PPWD1: variants seen among roughly 807,000 people sequenced by gnomAD.
PPWD1 encodes peptidylprolyl isomerase domain and WD repeat containing 1.
PPWD1 carries 43 observed loss-of-function variants against 68.8 expected under a neutral mutation model. The observed-to-expected ratio is 0.62, with a 90% CI of 0.49 to 0.81. PPWD1 has a LOEUF of 0.81. PPWD1 is among the 30% of genes least tolerant of loss of function. PPWD1 has a pLI of 0.00. For missense variants in PPWD1, 672 were observed against 804.8 expected (o/e 0.83, Z 2.00); for synonymous variants, 232 against 258.7 (o/e 0.90, Z 0.99).
chr5:65,565,185 C>T (rs1416957119), intron 1 of PPWD1, among the ~76,000 whole-genome samples: 1 of 152,192 alleles, frequency 6.6e-6, no homozygotes, highest in African/African-American at 2.4e-5. Flanking sequence ...GAATGTTTCT[C>T]TCCACTGCTA....
At chr5:65,565,528 G>A (rs1031135559) in intron 1 of PPWD1, among the ~76,000 whole-genome samples, 1 of 152,150 alleles carries the variant, frequency 6.6e-6, no homozygotes, top group African/African-American at 2.4e-5. Flanking sequence ...AGTTGGCCGG[G>A]TGTGGTGGCT....
intron 6 of PPWD1, 59 bp from the exon 7 acceptor site, chr5:65,579,362 AGTT>A (rs772623105): frequency 1.4e-6 from 2 of 1,395,924 alleles, no homozygotes. Flanking sequence ...TTATCTGTAA[AGTT>A]GTCATAATTG....
intron 7 of PPWD1, 162 bp from the exon 8 acceptor site, chr5:65,582,876 A>C: frequency 1.1e-6 from 1 of 898,032 alleles, no homozygotes; most frequent in South Asian, 2.9e-5. Flanking sequence ...AAAATAATTT[A>C]ATTGCCTGAC....
intron 10 of PPWD1, 117 bp downstream of exon 10, chr5:65,586,298 A>T: frequency 9.9e-7 from 1 of 1,006,900 alleles, no homozygotes; most frequent in Non-Finnish European, 1.4e-6. Flanking sequence ...ATCATCTAGC[A>T]GAATACAAAT....
chr5:65,584,218 A>C (rs991460815), intron 8 of PPWD1, among the ~76,000 whole-genome samples: 1 of 152,156 alleles, frequency 6.6e-6, no homozygotes, highest in African/African-American at 2.4e-5. Context: ...GGACAGTCTC[A>C]CTTTAAGTGC....
At chr5:65,571,267 A>G (rs777763172) in intron 4 of PPWD1, among the ~76,000 whole-genome samples, 21 of 152,182 alleles carry the variant, frequency 1.4e-4, no homozygotes, top group Non-Finnish European at 3.1e-4. Flanking sequence ...GTGTTTTAGT[A>G]CAATTGATTA....
At chr5:65,576,108 A>C (rs1176018947) in intron 5 of PPWD1, among the ~76,000 whole-genome samples, 2 of 88,690 alleles carry the variant, frequency 2.3e-5, no homozygotes, top group South Asian at 3.6e-4. Flanking sequence ...AAGTTATCTC[A>C]ATTTTTTATA....
intron 6 of PPWD1, among the ~76,000 whole-genome samples, chr5:65,577,551 A>G (rs1021224001): frequency 1.3e-5 from 2 of 152,234 alleles, no homozygotes; most frequent in African/African-American, 4.8e-5. Flanking sequence ...AATGAACAGA[A>G]CTTAATATTT....
At chr5:65,570,278 A>G (rs563342508) in intron 4 of PPWD1, 1 of 903,116 alleles carries the variant, frequency 1.1e-6, no homozygotes, top group Non-Finnish European at 1.3e-6. Flanking sequence ...GAGCTCTGTC[A>G]TATCTAATTA....
chr5:65,577,148 T>C, intron 6 of PPWD1, 79 bp downstream of exon 6: 1 of 1,486,982 alleles, frequency 6.7e-7, no homozygotes, highest in Non-Finnish European at 8.9e-7. Context: ...ACAGTGGGAG[T>C]ATTGTTTGTT....
In PPWD1 at chr5:65,571,973, A is replaced by G; in HGVS notation, c.656A>G (p.Asp219Gly). The change falls in exon 5 of 11, where the codon GAC (aspartate) becomes GGC (glycine). Residue 219 changes from aspartate to glycine, a missense_variant. Coordinates refer to ENST00000261308, the MANE Select transcript of PPWD1 (RefSeq NM_015342.4). ...RGDNQPLHIF[D>G]KLHTSPLTQI... ...GATAACCAGCCACTTCATATTTTTG[A>G]CAAACTCCATACATCACCTCTTACT... is the stretch of plus-strand genomic sequence containing the variant. 1 of 1,614,020 alleles carries G rather than the reference A, an allele frequency of 6.2e-7. No individual in the cohort carries two copies. Among genetic ancestry groups the G allele is most frequent in the South Asian group, 1.1e-5 (1 of 91,082 alleles).
chr5:65,566,052 GT>G (rs1429129483), intron 1 of PPWD1, among the ~76,000 whole-genome samples: 3 of 152,162 alleles, frequency 2.0e-5, no homozygotes, highest in Non-Finnish European at 4.4e-5. Flanking sequence ...CAGGAACTGT[GT>G]TTTACTCTTC....
At chr5:65,582,235 A>T (rs927578009) in intron 7 of PPWD1, among the ~76,000 whole-genome samples, 1 of 152,196 alleles carries the variant, frequency 6.6e-6, no homozygotes, top group Non-Finnish European at 1.5e-5. Flanking sequence ...TTTCTACTTA[A>T]AGAAACAGGC....
At chr5:65,587,070 T>TA (rs1753881260) in intron 10 of PPWD1, 183 bp from the exon 11 acceptor site, 1 of 304,720 alleles carries the variant, frequency 3.3e-6, no homozygotes, top group Non-Finnish European at 4.8e-6. Flanking sequence ...CTATTTTTTT[T>TA]AACACACTGG....
intron 7 of PPWD1, 21 bp from the exon 8 acceptor site, chr5:65,583,017 C>A: frequency 6.6e-7 from 1 of 1,512,980 alleles, no homozygotes; most frequent in Admixed American, 2.3e-5. Context: ...CGTTGACTCA[C>A]TTTTTACTTT....
rs1197573284 is a variant in PPWD1, at chr5:65,564,338, T to C, written c.196+832T>C. ...TCTCTCTTTTTTTTTTTTTTTTTTT[T>C]TTTTGAGACGGAGTCTCGCTCTGTC... On this transcript the variant is annotated intron_variant, in intron 1 of 10. Coordinates refer to ENST00000261308, the MANE Select transcript of PPWD1 (RefSeq NM_015342.4). 3.1e-4 allele frequency among the ~76,000 whole-genome samples: 27 copies of C among 86,442 alleles called. No homozygotes were observed. The South Asian group carries it at 3.2e-3, about 10-fold the overall frequency. The allele number at this position is 86,442 out of a possible 152,430, so 56.7% of individuals were successfully genotyped here.
chr5:65,579,686 T>G (rs1421548536), intron 7 of PPWD1, 73 bp downstream of exon 7: 1 of 1,122,416 alleles, frequency 8.9e-7, no homozygotes. Flanking sequence ...TGTTTGTACC[T>G]TCAACTGAAG....
chr5:65,584,358 A>G (rs1353333148), intron 8 of PPWD1, among the ~76,000 whole-genome samples: 2 of 152,176 alleles, frequency 1.3e-5, no homozygotes, highest in East Asian at 1.9e-4. Flanking sequence ...CATAATTTTC[A>G]GTTAATATTA....
At chr5:65,578,877 T>C (rs1266817060) in intron 6 of PPWD1, among the ~76,000 whole-genome samples, 1 of 151,520 alleles carries the variant, frequency 6.6e-6, no homozygotes, top group East Asian at 1.9e-4. Flanking sequence ...TATGAGCCGT[T>C]CTCCTAGTCT....
Sources: gnomAD v4.1 joint callset for allele counts (sites outside exome capture counted in the v4.1 genomes callset) on GRCh38, gnomAD v4.1.1 for gene constraint, MANE v1.5 for transcripts, NCBI Gene and HGNC (gene_info 2026-07-23, HGNC 2026-07-21) for gene names.